Variants in SH3GL2 observed in about 807,000 individuals in gnomAD.
SH3GL2 encodes endophilin-A1.
In SH3GL2, 24 loss-of-function variants were observed where a neutral mutation model predicts 46.0. The observed-to-expected ratio is 0.52, with a 90% confidence interval of 0.38 to 0.73. SH3GL2 has a LOEUF of 0.73. Among genes scored for constraint, SH3GL2 ranks in the 30% least tolerant of loss-of-function variants. The pLI is 0.00. For missense variants in SH3GL2, 413 were observed against 424.2 expected (o/e 0.97, Z 0.23); for synonymous variants, 196 against 147.1 (o/e 1.33, Z -2.40).
chr9:17,754,713 A>G (rs1260692871), intron 2 of SH3GL2, among the ~76,000 whole-genome samples: 2 of 152,132 alleles, frequency 1.3e-5, no homozygotes. Flanking sequence ...CTCCCTGGTT[A>G]GCTGTATTCC....
intron 1 of SH3GL2, among the ~76,000 whole-genome samples, chr9:17,705,606 G>A (rs745812663): frequency 6.6e-6 from 1 of 151,984 alleles, no homozygotes; most frequent in East Asian, 1.9e-4. Flanking sequence ...TATACACCAC[G>A]GAGTACTACG....
chr9:17,641,317 G>A (rs968398808), intron 1 of SH3GL2, among the ~76,000 whole-genome samples: 1 of 152,174 alleles, frequency 6.6e-6, no homozygotes, highest in East Asian at 1.9e-4. Flanking sequence ...AGGGACAGAT[G>A]TATGAATGAG....
intron 1 of SH3GL2, among the ~76,000 whole-genome samples, chr9:17,579,522 T>A (rs1401639485): frequency 6.6e-6 from 1 of 151,938 alleles, no homozygotes; most frequent in Non-Finnish European, 1.5e-5. Context: ...GTCCCCGGCG[T>A]CCTGCCTGGT....
At chr9:17,753,012 C>T (rs1222149578) in intron 2 of SH3GL2, among the ~76,000 whole-genome samples, 1 of 152,158 alleles carries the variant, frequency 6.6e-6, no homozygotes, top group Non-Finnish European at 1.5e-5. Flanking sequence ...CCTCCAGGTT[C>T]ATCCATGTCC....
At chr9:17,611,837 G>C (rs1191245784) in intron 1 of SH3GL2, among the ~76,000 whole-genome samples, 2 of 152,150 alleles carry the variant, frequency 1.3e-5, no homozygotes, top group African/African-American at 4.8e-5. Context: ...CCCCAGGTCT[G>C]CCCAACTCCT....
intron 1 of SH3GL2, among the ~76,000 whole-genome samples, chr9:17,663,452 A>G (rs190433314): frequency 6.6e-6 from 1 of 152,320 alleles, no homozygotes; most frequent in Admixed American, 6.5e-5. Context: ...TGAAATTTTA[A>G]CACACATACT....
chr9:17,736,515 C>T (rs1028924636), intron 1 of SH3GL2, among the ~76,000 whole-genome samples: 2 of 152,170 alleles, frequency 1.3e-5, no homozygotes, highest in South Asian at 2.1e-4. Flanking sequence ...GTAAAGCTTA[C>T]GATTTATTAT....
chr9:17,632,079 C>T (rs1437384122), intron 1 of SH3GL2, among the ~76,000 whole-genome samples: 1 of 152,046 alleles, frequency 6.6e-6, no homozygotes, highest in Non-Finnish European at 1.5e-5. Context: ...AACATAATTT[C>T]CTCAATACAT....
At chr9:17,584,077 C>A (rs1160133040) in intron 1 of SH3GL2, among the ~76,000 whole-genome samples, 1 of 152,128 alleles carries the variant, frequency 6.6e-6, no homozygotes, top group Non-Finnish European at 1.5e-5. Context: ...TAATAGGCTG[C>A]AAGGGGCCTA....
At chr9:17,686,894 C>G (rs898390234) in intron 1 of SH3GL2, among the ~76,000 whole-genome samples, 6 of 149,260 alleles carry the variant, frequency 4.0e-5, no homozygotes, top group Admixed American at 2.7e-4. Flanking sequence ...ACATATGTAA[C>G]TAACCTGCAC....
chr9:17,598,355 A>G (rs973033071), intron 1 of SH3GL2, among the ~76,000 whole-genome samples: 10 of 152,218 alleles, frequency 6.6e-5, no homozygotes, highest in African/African-American at 4.8e-5. Context: ...TCCAGCTGGA[A>G]TAGTTTCTGT....
At chr9:17,779,459 C>T (rs532178153) in intron 3 of SH3GL2, among the ~76,000 whole-genome samples, 7 of 152,236 alleles carry the variant, frequency 4.6e-5, no homozygotes, top group African/African-American at 1.7e-4. Context: ...CTCGGATAGG[C>T]TTTCCAGGCT....
intron 1 of SH3GL2, among the ~76,000 whole-genome samples, chr9:17,600,024 A>G (rs1026925347): frequency 1.3e-5 from 2 of 151,620 alleles, no homozygotes; most frequent in Non-Finnish European, 2.9e-5. Context: ...TTAAATTCTT[A>G]TAACACTTAT....
At position 17,755,674 on chromosome 9, in the gene SH3GL2, C is replaced by A. The variant is rs1230741839; in HGVS notation, c.115-5763C>A. 8.6e-6 allele frequency: 4 copies of A among 464,610 alleles called. No individual in the cohort carries two copies. The Admixed American group carries it at 2.6e-4, about 30-fold the overall frequency. 28.8% of individuals were successfully genotyped at this position (464,610 alleles called of 1,614,324 possible). ...CTCCCTTTAAGGTGTCTATGTTTTTCTTAAACTTTTGCTCTGCTACAGCAT... is the reference window on the plus strand; with the variant it reads ...CTCCCTTTAAGGTGTCTATGTTTTTATTAAACTTTTGCTCTGCTACAGCAT... On this transcript the variant is annotated intron_variant, in intron 2 of 8. Transcript: ENST00000380607.
chr9:17,725,382 G>GT (rs1427764961), intron 1 of SH3GL2, among the ~76,000 whole-genome samples: 1 of 152,062 alleles, frequency 6.6e-6, no homozygotes, highest in African/African-American at 2.4e-5. Context: ...TTGGTCCACC[G>GT]TTTCACTTAT....
intron 1 of SH3GL2, among the ~76,000 whole-genome samples, chr9:17,694,627 A>T (rs549823092): frequency 5.3e-5 from 8 of 152,278 alleles, no homozygotes; most frequent in African/African-American, 1.9e-4. Flanking sequence ...GCAAGCAAAT[A>T]TTTGAGAGTG....
intron 1 of SH3GL2, among the ~76,000 whole-genome samples, chr9:17,694,203 A>T (rs935636682): frequency 6.6e-6 from 1 of 152,190 alleles, no homozygotes. Context: ...TAATTGACTC[A>T]CAGTTCCACA....
chr9:17,626,091 T>C (rs1288648374), intron 1 of SH3GL2, among the ~76,000 whole-genome samples: 1 of 152,196 alleles, frequency 6.6e-6, no homozygotes, highest in African/African-American at 2.4e-5. Flanking sequence ...CTTGGCTCTT[T>C]GGTTTTGGTT....
At chr9:17,687,796 A>G (rs1282570513) in intron 1 of SH3GL2, among the ~76,000 whole-genome samples, 1 of 152,070 alleles carries the variant, frequency 6.6e-6, no homozygotes, top group Non-Finnish European at 1.5e-5. Context: ...ATGGATGTGA[A>G]TCTCAAGGCA....
Sources: gnomAD v4.1 joint callset for allele counts (sites outside exome capture counted in the v4.1 genomes callset) on GRCh38, gnomAD v4.1.1 for gene constraint, MANE v1.5 for transcripts, NCBI Gene and HGNC (gene_info 2026-07-23, HGNC 2026-07-21) for gene names.